Variants in CASR observed in about 807,000 individuals in gnomAD.
CASR encodes the protein extracellular calcium-sensing receptor.
Under a neutral mutation model 69.1 loss-of-function variants are expected in CASR, and 23 were observed. The observed-to-expected ratio is 0.33, with a 90% confidence interval of 0.24 to 0.47. The LOEUF (loss-of-function observed/expected upper bound fraction) is 0.47. CASR is among the 20% of genes least tolerant of loss of function. The pLI, the probability that CASR is intolerant of heterozygous loss-of-function variation, is 1.00. For synonymous variants in CASR, 541 were observed against 544.7 expected (o/e 0.99, Z 0.10); for missense variants, 924 against 1,356.1 (o/e 0.68, Z 5.00).
chr3:122,191,225 G>A (rs2073836251), intron 1 of CASR, among the ~76,000 whole-genome samples: 1 of 152,176 alleles, frequency 6.6e-6, no homozygotes, highest in African/African-American at 2.4e-5. Flanking sequence ...TTCTTTCTAA[G>A]TATAAAAGTA....
rs1268294939 is a variant in CASR at position 122,284,892 on chromosome 3, G to A, written c.2938G>A (p.Asp980Asn). 2 of 1,614,084 alleles carry A rather than the reference G, an allele frequency of 1.2e-6. No individual in the cohort carries two copies. The highest frequency in any genetic ancestry group is 2.7e-5 in the African/African-American group (2 of 74,930). ...SGTVTFSLSF[D>N]EPQKNAMAHR... Reference sequence around the variant, plus strand: ...CACGGTCACCTTCTCACTGAGCTTTGATGAGCCTCAGAAGAACGCCATGGC... The same window carrying A: ...CACGGTCACCTTCTCACTGAGCTTTAATGAGCCTCAGAAGAACGCCATGGC... The change falls in exon 7 of 7, where the codon GAT becomes AAT. Residue 980 changes from aspartate to asparagine, a missense_variant. Transcript: ENST00000639785.
rs200238591 is a variant in CASR, at chr3:122,284,974, T to A, written c.3020T>A (p.Leu1007Gln). ...SLEAQKSSDT[L>Q]TRHEPLLPLQ... is the part of the protein sequence containing the mutation. Reference sequence around the variant, plus strand: ...GAGGCCCAGAAAAGCAGCGATACGCTGACCCGACACGAGCCATTACTCCCG... The same window carrying A: ...GAGGCCCAGAAAAGCAGCGATACGCAGACCCGACACGAGCCATTACTCCCG... Residue 1007 changes from leucine (L) to glutamine (Q), a missense_variant, in exon 7 of 7, where the codon CTG (leucine) becomes CAG (glutamine). By Grantham distance (113) the Leu-to-Gln change is moderately radical. Coordinates refer to ENST00000639785, the MANE Select transcript of CASR (RefSeq NM_000388.4). 2.5e-6 allele frequency: 4 copies of A among 1,614,180 alleles called. No individual in the cohort carries two copies. Among genetic ancestry groups the A allele is most frequent in the Non-Finnish European group, 3.4e-6 (4 of 1,180,032 alleles).
intron 1 of CASR, among the ~76,000 whole-genome samples, chr3:122,221,355 T>C (rs997360072): frequency 1.4e-4 from 22 of 152,276 alleles, no homozygotes; most frequent in African/African-American, 5.3e-4. Flanking sequence ...GTCTCTCTTG[T>C]CTCAGCGCAA....
intron 1 of CASR, among the ~76,000 whole-genome samples, chr3:122,212,276 G>A (rs1260038718): frequency 6.6e-6 from 1 of 152,160 alleles, no homozygotes; most frequent in African/African-American, 2.4e-5. Context: ...GATGGAGCTG[G>A]AAGCCATTAT....
chr3:122,227,953 C>CTG (rs55766528), intron 1 of CASR, among the ~76,000 whole-genome samples: 108,916 of 151,896 alleles, frequency 0.72, 39,325 homozygotes, highest in Admixed American at 0.82. Context: ...ATCTAAATGA[C>CTG]TGCTCATGTC....
Position 122,290,571 on chromosome 3 carries a change from T to C in CASR, c.*5380T>C, listed in dbSNP as rs1463648235. The C allele has an allele frequency of 6.6e-6, 1 of 152,278 alleles. No individual in the cohort carries two copies. Among genetic ancestry groups the C allele is most frequent in the East Asian group, 1.9e-4 (1 of 5,182 alleles). The allele number at this position is 152,278 out of a possible 1,614,324, so 9.4% of individuals were successfully genotyped here. A position where few individuals can be genotyped will look rare whatever the true frequency, so the allele number is the denominator to read the frequency against. ...TCTGCTTCTTTAGGATGTTCTAAAT[T>C]TTTCCCAAGTTTTGTACATTAAGCA... On this transcript the variant is annotated 3_prime_UTR_variant, in exon 7 of 7. Transcript: ENST00000639785.
At chr3:122,219,163 T>G (rs2074147111) in intron 1 of CASR, among the ~76,000 whole-genome samples, 1 of 152,182 alleles carries the variant, frequency 6.6e-6, no homozygotes, top group Non-Finnish European at 1.5e-5. Context: ...GTTTAAAAGA[T>G]TACTCTGTTG....
chr3:122,281,699 T>C (rs1037552098), intron 5 of CASR, among the ~76,000 whole-genome samples: 2 of 152,242 alleles, frequency 1.3e-5, no homozygotes, highest in African/African-American at 2.4e-5. Context: ...TATTAGACTT[T>C]TTTGCACTCC....
intron 4 of CASR, among the ~76,000 whole-genome samples, chr3:122,266,096 C>T (rs2074690751): frequency 1.3e-5 from 2 of 152,064 alleles, no homozygotes; most frequent in Admixed American, 1.3e-4. Flanking sequence ...TGTATAAGAG[C>T]TGGAAGTCCT....
intron 1 of CASR, among the ~76,000 whole-genome samples, chr3:122,216,300 T>C (rs1334524597): frequency 6.6e-6 from 1 of 152,150 alleles, no homozygotes; most frequent in Non-Finnish European, 1.5e-5. Flanking sequence ...GTGATGTCCA[T>C]TTTACCTGAC....
chr3:122,283,552 G>T, intron 6 of CASR, 135 bp from the exon 7 acceptor site: 1 of 732,024 alleles, frequency 1.4e-6, no homozygotes, highest in South Asian at 1.5e-5. Flanking sequence ...GTAAAAATCA[G>T]AATGATTTCA....
intron 1 of CASR, among the ~76,000 whole-genome samples, chr3:122,242,955 A>C (rs1301282019): frequency 2.0e-5 from 3 of 152,182 alleles, no homozygotes; most frequent in African/African-American, 7.2e-5. Context: ...TGGTGCTGAG[A>C]AAATTGGATA....
chr3:122,280,025 C>T (rs1335579975), intron 5 of CASR, among the ~76,000 whole-genome samples: 1 of 152,146 alleles, frequency 6.6e-6, no homozygotes, highest in Non-Finnish European at 1.5e-5. Context: ...GTTCAGCTCC[C>T]ACTTATAAGT....
At chr3:122,192,435 A>G (rs1272164937) in intron 1 of CASR, among the ~76,000 whole-genome samples, 2 of 152,232 alleles carry the variant, frequency 1.3e-5, no homozygotes, top group Non-Finnish European at 1.5e-5. Context: ...AAATAGCAAC[A>G]AAACATCAGT....
chr3:122,224,248 A>G (rs551853503), intron 1 of CASR, among the ~76,000 whole-genome samples: 2 of 152,336 alleles, frequency 1.3e-5, no homozygotes, highest in East Asian at 1.9e-4. Context: ...AAGGAAGTCA[A>G]GGTTTCTCTC....
At chr3:122,206,194 G>T (rs2074005033) in intron 1 of CASR, among the ~76,000 whole-genome samples, 1 of 151,590 alleles carries the variant, frequency 6.6e-6, no homozygotes, top group South Asian at 2.1e-4. Flanking sequence ...TCACTATGAT[G>T]TTAGGTGTGG....
At position 122,285,272 on chromosome 3, in the gene CASR, T is replaced by G. The variant is rs1349410984; in HGVS notation, c.*81T>G. 1 of 1,300,364 alleles carries G rather than the reference T, an allele frequency of 7.7e-7. No individual in the cohort carries two copies. The highest frequency in any genetic ancestry group is 1.1e-6 in the Non-Finnish European group (1 of 899,702). The allele number at this position is 1,300,364 out of a possible 1,614,324, so 80.6% of individuals were successfully genotyped here. On this transcript the variant is annotated 3_prime_UTR_variant, in exon 7 of 7. Transcript: ENST00000639785. ...GGGAAGAGGAATCGCCCCAGACTCCTTTCCTCTGAGGAAGAAGGGATAATA... is the reference window on the plus strand; with the variant it reads ...GGGAAGAGGAATCGCCCCAGACTCCGTTCCTCTGAGGAAGAAGGGATAATA...
At chr3:122,235,852 A>G (rs1437551008) in intron 1 of CASR, among the ~76,000 whole-genome samples, 1 of 152,200 alleles carries the variant, frequency 6.6e-6, no homozygotes, top group Admixed American at 6.5e-5. Context: ...AGGAAACACA[A>G]TTTTTAGAGC....
At chr3:122,282,339 A>T in intron 6 of CASR, 103 bp downstream of exon 6, 1 of 1,153,994 alleles carries the variant, frequency 8.7e-7, no homozygotes, top group Non-Finnish European at 1.3e-6. Context: ...TGCTTTGCAC[A>T]GTTTCTCATT....
Sources: gnomAD v4.1 joint callset for allele counts (sites outside exome capture counted in the v4.1 genomes callset) on GRCh38, gnomAD v4.1.1 for gene constraint, MANE v1.5 for transcripts, NCBI Gene and HGNC (gene_info 2026-07-23, HGNC 2026-07-21) for gene names.